ABCC12: variants seen among roughly 807,000 people sequenced by gnomAD.
ABCC12 encodes the protein ATP-binding cassette sub-family C member 12.
In ABCC12, 142 loss-of-function variants were observed where a neutral mutation model predicts 151.1. The observed-to-expected ratio is 0.94, with a 90% CI of 0.82 to 1.08. ABCC12 has a LOEUF of 1.08. Ranked by LOEUF, ABCC12 falls within the 50% of genes least tolerant of loss-of-function variation. The pLI is 0.00. For synonymous variants in ABCC12, 645 were observed against 646.4 expected (o/e 1.00, Z 0.03); for missense variants, 1,638 against 1,691.1 (o/e 0.97, Z 0.55).
intron 13 of ABCC12, among the ~76,000 whole-genome samples, chr16:48,119,513 T>A (rs1433158887): frequency 1.3e-5 from 2 of 152,234 alleles, no homozygotes; most frequent in Non-Finnish European, 2.9e-5. Flanking sequence ...GGCCAAGAGA[T>A]GCTGAGCAGA....
In ABCC12 at chr16:48,139,125, A is replaced by T. The variant is rs553637168; in HGVS notation, c.831+38T>A. Reference sequence around the variant, plus strand: ...ATTCAGTGAAAGTGTGTGAAATGCAAATACAAAGCAGTTAGAAGCGCAAAA... The same window carrying T: ...ATTCAGTGAAAGTGTGTGAAATGCATATACAAAGCAGTTAGAAGCGCAAAA... On this transcript the variant is annotated intron_variant, in intron 7 of 30. Coordinates refer to ENST00000311303, the MANE Select transcript of ABCC12 (RefSeq NM_001393797.1). The T allele has an allele frequency of 1.6e-5, 25 of 1,540,890 alleles. 1 individual carries two copies. In the South Asian group the frequency reaches 2.6e-4, roughly 16 times the overall value.
chr16:48,131,012 T>C lies in ABCC12; in HGVS notation c.1129-117A>G, dbSNP rs941134764. The C allele has an allele frequency of 1.5e-5, 10 of 688,852 alleles. No individual in the cohort carries two copies. The South Asian group carries it at 1.7e-4, about 12-fold the overall frequency. The allele number at this position is 688,852 out of a possible 1,614,324, so 42.7% of individuals were successfully genotyped here. A position where few individuals can be genotyped will look rare whatever the true frequency, so the allele number is the denominator to read the frequency against. ...GAGAAATGGTGGCATCGTTGGAATG[T>C]GCAGAGGAACAATCTTTTCATTTCA... is the stretch of plus-strand genomic sequence containing the variant. On this transcript the variant is annotated intron_variant, in intron 9 of 30. Transcript: ENST00000311303.
chr16:48,085,448 T>C lies in ABCC12; in HGVS notation c.3828+145A>G. 3 of 688,336 alleles carry C rather than the reference T, an allele frequency of 4.4e-6. No homozygotes were observed. The South Asian group carries it at 5.8e-5, about 13-fold the overall frequency. The allele number at this position is 688,336 out of a possible 1,614,324, so 42.6% of individuals were successfully genotyped here. ...TTTCAATTTTTATCCCTCACAACTT[T>C]GTCTTAAGAAAAAGTGATCGGTTTT... On this transcript the variant is annotated intron_variant, in intron 29 of 30. Coordinates refer to ENST00000311303, the MANE Select transcript of ABCC12 (RefSeq NM_001393797.1).
chr16:48,139,314 T>A lies in ABCC12; in HGVS notation c.680A>T (p.Asp227Val). The change falls in exon 7 of 31, where the codon GAT (aspartate) becomes GTT (valine). Residue 227 changes from aspartate (D) to valine (V), a missense_variant. Coordinates refer to ENST00000311303, the MANE Select transcript of ABCC12 (RefSeq NM_001393797.1). ...VGEVLNILSS[D>V]SYSLFEAALF... Reference sequence around the variant, plus strand: ...GGCAGCTTCAAACAAAGAATAGCTATCACTTGACAGTATATTGAGCACCTG... The same window carrying A: ...GGCAGCTTCAAACAAAGAATAGCTAACACTTGACAGTATATTGAGCACCTG... 1 of 1,612,596 alleles carries A rather than the reference T, an allele frequency of 6.2e-7. No individual in the cohort carries two copies.
intron 3 of ABCC12, among the ~76,000 whole-genome samples, chr16:48,144,513 C>T (rs966939256): frequency 6.6e-6 from 1 of 151,962 alleles, no homozygotes; most frequent in Non-Finnish European, 1.5e-5. Flanking sequence ...CATTAATACC[C>T]CCAGGGGCAA....
chr16:48,111,520 A>G lies in ABCC12; in HGVS notation c.2210-13T>C, dbSNP rs1454710374. On this transcript the variant is annotated splice_polypyrimidine_tract_variant and intron_variant, in intron 17 of 30. Coordinates refer to ENST00000311303, the MANE Select transcript of ABCC12 (RefSeq NM_001393797.1). Reference sequence around the variant, plus strand: ...CCTGGAGCCAAAACTAGGGTGAGAAATAAAGAGAGATCTGTGTCCATTCAA... The same window carrying G: ...CCTGGAGCCAAAACTAGGGTGAGAAGTAAAGAGAGATCTGTGTCCATTCAA... The G allele has an allele frequency of 1.2e-6, 2 of 1,614,192 alleles. No individual in the cohort carries two copies. The highest frequency in any genetic ancestry group is 8.5e-7 in the Non-Finnish European group (1 of 1,180,024).
rs762274921 is a variant in ABCC12 at position 48,146,343 on chromosome 16, T to A, written c.82A>T (p.Ser28Cys). 6.2e-7 allele frequency: 1 copy of A among 1,614,174 alleles called. No homozygotes were observed. The highest frequency in any genetic ancestry group is 1.1e-5 in the South Asian group (1 of 91,084). ...CGCACTGGGATCATGGTCTTCAGGC[T>A]GGGGTCATATCTTTCTGCAAAGGAT... Reference protein sequence around the residue: ...RRSFAERYDPSLKTMIPVRPC... With the variant: ...RRSFAERYDPCLKTMIPVRPC... The change falls in exon 3 of 31, where the codon AGC becomes TGC. Residue 28 changes from serine (S) to cysteine (C), a missense_variant. Transcript: ENST00000311303.
At chr16:48,124,173 G>A (rs764959456) in intron 12 of ABCC12, 40 bp downstream of exon 12, 1 of 1,597,638 alleles carries the variant, frequency 6.3e-7, no homozygotes, top group South Asian at 1.1e-5. Context: ...TCATTGTCAT[G>A]TTAATGTTCC....
intron 11 of ABCC12, among the ~76,000 whole-genome samples, chr16:48,125,345 C>T (rs1251510362): frequency 1.3e-5 from 2 of 152,170 alleles, no homozygotes; most frequent in Admixed American, 6.5e-5. Context: ...ATTGATGCCC[C>T]AGCAGTCATT....
At chr16:48,094,259 G>A (rs1351859315) in intron 24 of ABCC12, among the ~76,000 whole-genome samples, 4 of 152,212 alleles carry the variant, frequency 2.6e-5, no homozygotes, top group Non-Finnish European at 5.9e-5. Context: ...ACTTAAGAGA[G>A]AGTACAGAGA....
Position 48,086,814 on chromosome 16 carries a change from T to G in ABCC12, c.3641A>C (p.Asn1214Thr), listed in dbSNP as rs766030432. The change falls in exon 28 of 31, where the codon AAC becomes ACC. Residue 1214 changes from asparagine (N) to threonine (T), a missense_variant. Asn to Thr is a moderately conservative substitution (Grantham distance 65). Coordinates refer to ENST00000311303, the MANE Select transcript of ABCC12 (RefSeq NM_001393797.1). The stretch of plus-strand genomic sequence containing the variant: ...GGTGTGACTCTCAAAGGGATCCAAG[T>G]TGTACCTGCAATGAAGGAGAGGAGA... Reference protein sequence around the residue: ...PVLFVGTVRYNLDPFESHTDE... With the variant: ...PVLFVGTVRYTLDPFESHTDE... 1 of 1,612,820 alleles carries G rather than the reference T, an allele frequency of 6.2e-7. No homozygotes were observed. Among genetic ancestry groups the G allele is most frequent in the East Asian group, 2.2e-5 (1 of 44,868 alleles).
intron 22 of ABCC12, 91 bp from the exon 23 acceptor site, chr16:48,101,100 C>T (rs1354585841): frequency 1.4e-6 from 2 of 1,459,666 alleles, no homozygotes; most frequent in East Asian, 2.4e-5. Context: ...AGGCACTCAG[C>T]ACAGTGCTTA....
intron 24 of ABCC12, 34 bp from the exon 25 acceptor site, chr16:48,091,243 C>G (rs761009249): frequency 6.3e-7 from 1 of 1,595,312 alleles, no homozygotes; most frequent in Non-Finnish European, 8.6e-7. Context: ...GCAGTTAGAG[C>G]CCCTTCCTCC....
At chr16:48,102,560 A>G (rs1055135900) in intron 22 of ABCC12, among the ~76,000 whole-genome samples, 3 of 152,118 alleles carry the variant, frequency 2.0e-5, no homozygotes, top group Admixed American at 2.0e-4. Flanking sequence ...CAGGGTCACC[A>G]CGGGAACAGT....
At chr16:48,118,595 C>A (rs2150631238) in intron 13 of ABCC12, among the ~76,000 whole-genome samples, 1 of 152,336 alleles carries the variant, frequency 6.6e-6, no homozygotes, top group East Asian at 1.9e-4. Flanking sequence ...CAGCGAGTAA[C>A]AATGGGCAGG....
intron 21 of ABCC12, 113 bp downstream of exon 21, chr16:48,105,026 T>C (rs1963439427): frequency 1.6e-6 from 2 of 1,223,930 alleles, no homozygotes; most frequent in Non-Finnish European, 2.4e-6. Flanking sequence ...CTGCAAGCTC[T>C]ATGAGGGCTC....
At chr16:48,083,830 C>A (rs1962457929) in intron 30 of ABCC12, 29 bp from the exon 31 acceptor site, 1 of 1,613,966 alleles carries the variant, frequency 6.2e-7, no homozygotes, top group Admixed American at 1.7e-5. Context: ...GAACTGAAAT[C>A]ATCGGAAAAT....
Position 48,104,388 on chromosome 16 carries a change from G to A in ABCC12, c.2674-20C>T, listed in dbSNP as rs374119865. ...TAAGATCTGTGGAGAATGGTAGAGA[G>A]TCAAACAGAGTCGAGATGCGTGCTT... is the stretch of plus-strand genomic sequence containing the variant. On this transcript the variant is annotated intron_variant, in intron 21 of 30. Transcript: ENST00000311303. The A allele has an allele frequency of 3.7e-6, 6 of 1,607,908 alleles. No homozygotes were observed. The highest frequency in any genetic ancestry group is 5.1e-6 in the Non-Finnish European group (6 of 1,174,656).
chr16:48,103,392 G>A (rs1963371255), intron 22 of ABCC12, among the ~76,000 whole-genome samples: 1 of 152,172 alleles, frequency 6.6e-6, no homozygotes, highest in South Asian at 2.1e-4. Context: ...GGAAACTCTT[G>A]CATAACAGCT....
Sources: gnomAD v4.1 joint callset for allele counts (sites outside exome capture counted in the v4.1 genomes callset) on GRCh38, gnomAD v4.1.1 for gene constraint, MANE v1.5 for transcripts, NCBI Gene and HGNC (gene_info 2026-07-23, HGNC 2026-07-21) for gene names.